The following HIP1 variants were observed in gnomAD, a reference collection of about 807,000 sequenced individuals.
The protein encoded by HIP1 is huntingtin interacting protein 1.
A neutral mutation model predicts 147.6 loss-of-function variants in HIP1; 65 were observed. The ratio of observed to expected loss-of-function variants is 0.44; its 90% CI spans 0.36 to 0.54. The LOEUF is 0.54. HIP1 is among the 20% of genes least tolerant of loss of function. The pLI is 0.00. For missense variants in HIP1, 1,061 were observed against 1,299.6 expected (o/e 0.82, Z 2.82); for synonymous variants, 479 against 504.0 (o/e 0.95, Z 0.67).
intron 2 of HIP1, among the ~76,000 whole-genome samples, chr7:75,594,243 G>A (rs1554501335): frequency 1.3e-5 from 2 of 152,024 alleles, no homozygotes; most frequent in Non-Finnish European, 2.9e-5. Flanking sequence ...TCATGCCATT[G>A]CACTCCAGCC....
In HIP1 at chr7:75,559,730, A is replaced by G; in HGVS notation, c.1375+2T>C. 2 of 227,408 alleles carry G rather than the reference A, an allele frequency of 8.8e-6. No individual in the cohort carries two copies. The highest frequency in any genetic ancestry group is 4.5e-5 in the South Asian group (1 of 22,394). 14.1% of individuals were successfully genotyped at this position (227,408 alleles called of 1,614,324 possible). On this transcript the variant is annotated splice_donor_variant, in intron 14 of 30. Transcript: ENST00000336926. LOFTEE classifies it high-confidence loss of function. ...CCGCCCCCGCCCCCACCCACCGCTC[A>G]CTTTCTATCTCAGACAGGCTCCGCT...
chr7:75,574,834 G>C (rs1795781620), intron 7 of HIP1, among the ~76,000 whole-genome samples: 2 of 152,080 alleles, frequency 1.3e-5, no homozygotes, highest in Admixed American at 1.3e-4. Flanking sequence ...ACATGGAGGA[G>C]GAGCCTCATC....
intron 15 of HIP1, 112 bp from the exon 16 acceptor site, chr7:75,557,882 C>A: frequency 1.3e-6 from 1 of 794,426 alleles, no homozygotes. Context: ...ACACAGGAAT[C>A]ACTTTCCTAC....
At chr7:75,615,030 C>T (rs587639080) in intron 1 of HIP1, among the ~76,000 whole-genome samples, 2 of 152,160 alleles carry the variant, frequency 1.3e-5, no homozygotes, top group East Asian at 3.9e-4. Flanking sequence ...GCCTCGGCCT[C>T]CCAAAGTGCT....
chr7:75,548,590 C>T (rs1554491479), intron 23 of HIP1, among the ~76,000 whole-genome samples: 1 of 152,046 alleles, frequency 6.6e-6, no homozygotes, highest in African/African-American at 2.4e-5. Flanking sequence ...AGTGATCCTC[C>T]TGCAGCCTCT....
intron 1 of HIP1, among the ~76,000 whole-genome samples, chr7:75,664,130 ATGTGTGTACATACATACATGTATGTGTG>A (rs1554514161): frequency 1.8e-3 from 94 of 50,928 alleles, no homozygotes; most frequent in Admixed American, 5.1e-3. Context: ...ATGCACACAC[ATGTGTGTACATACATACATGTATGTGTG>A]TATATTTACA....
Position 75,542,899 on chromosome 7 carries a change from C to T in HIP1, c.2842G>A (p.Gly948Ser), listed in dbSNP as rs200359500. 46 of 1,613,914 alleles carry T rather than the reference C, an allele frequency of 2.9e-5. No individual in the cohort carries two copies. The highest frequency in any genetic ancestry group is 5.0e-5 in the Admixed American group (3 of 59,988). ...CCGGAAATGGTTGAGGCCACAACGCCGGCAGTGGCCTGGTTCACTCCCCGA... is the reference window on the plus strand; with the variant it reads ...CCGGAAATGGTTGAGGCCACAACGCTGGCAGTGGCCTGGTTCACTCCCCGA... ...ASRGVNQATA[G>S]VVASTISGKS... is the part of the protein sequence containing the mutation. Residue 948 changes from glycine (G) to serine (S), a missense_variant, in exon 28 of 31, where the codon GGC becomes AGC. Around this residue, in one of 3 missense-constraint regions of HIP1, gnomAD observed 810 missense variants for 946.8 expected, o/e 0.86. Coordinates refer to ENST00000336926, the MANE Select transcript of HIP1 (RefSeq NM_005338.7).
chr7:75,667,427 G>C (rs554662203), intron 1 of HIP1, among the ~76,000 whole-genome samples: 11 of 152,242 alleles, frequency 7.2e-5, no homozygotes. Context: ...TAGAGACCAA[G>C]ACAGATATTT....
intron 1 of HIP1, among the ~76,000 whole-genome samples, chr7:75,730,496 C>T (rs113235473): frequency 0.051 from 7,716 of 151,854 alleles, 211 homozygotes; most frequent in Middle Eastern, 0.068. Context: ...CACGCCACCA[C>T]GCCCAGCTAA....
intron 1 of HIP1, among the ~76,000 whole-genome samples, chr7:75,705,719 A>G (rs981953300): frequency 3.3e-5 from 5 of 151,892 alleles, no homozygotes; most frequent in African/African-American, 7.3e-5. Flanking sequence ...TTGCTTATCC[A>G]TTCATCCACT....
At position 75,573,985 on chromosome 7, in the gene HIP1, A is replaced by G. The variant is rs587690260; in HGVS notation, c.605-84T>C. 1.1e-5 allele frequency: 13 copies of G among 1,234,948 alleles called. No homozygotes were observed. The South Asian group carries it at 1.1e-4, about 10-fold the overall frequency. The allele number at this position is 1,234,948 out of a possible 1,614,324, so 76.5% of individuals were successfully genotyped here. ...TCAGAGGGGCAGAGGCAGGGGTCCA[A>G]CATACACCAAGGACCGATTCTGTGC... On this transcript the variant is annotated intron_variant, in intron 7 of 30. Coordinates refer to ENST00000336926, the MANE Select transcript of HIP1 (RefSeq NM_005338.7).
At chr7:75,644,808 G>A (rs1798753613) in intron 1 of HIP1, among the ~76,000 whole-genome samples, 2 of 152,202 alleles carry the variant, frequency 1.3e-5, no homozygotes, top group African/African-American at 4.8e-5. Flanking sequence ...ACGCCTGCAA[G>A]CAAAGCCTTA....
chr7:75,712,865 CTCACTCATTCAT>C (rs1473072406), intron 1 of HIP1, among the ~76,000 whole-genome samples: 2 of 152,170 alleles, frequency 1.3e-5, no homozygotes, highest in African/African-American at 4.8e-5. Flanking sequence ...CCTTCATTCA[CTCACTCATTCAT>C]TCACTCATTC....
At chr7:75,733,495 G>A (rs1403864350) in intron 1 of HIP1, 3 of 149,842 alleles carry the variant, frequency 2.0e-5, no homozygotes, top group African/African-American at 5.0e-5. Context: ...AGTGGCTTGT[G>A]ATGGATTGGG....
chr7:75,714,817 C>T (rs1801267559), intron 1 of HIP1, among the ~76,000 whole-genome samples: 1 of 152,176 alleles, frequency 6.6e-6, no homozygotes, highest in Non-Finnish European at 1.5e-5. Context: ...TAGTACAATA[C>T]CATTAACTAT....
At chr7:75,570,453 G>A (rs973400047) in intron 8 of HIP1, among the ~76,000 whole-genome samples, 11 of 149,680 alleles carry the variant, frequency 7.3e-5, no homozygotes, top group Admixed American at 5.3e-4. Context: ...CACCACGCCC[G>A]GCTAATTTTT....
intron 5 of HIP1, among the ~76,000 whole-genome samples, chr7:75,582,942 C>T (rs1276178071): frequency 6.6e-6 from 1 of 152,192 alleles, no homozygotes; most frequent in African/African-American, 2.4e-5. Context: ...GCTGAGATTA[C>T]AACCTCTGAC....
At chr7:75,553,667 G>C in intron 21 of HIP1, 78 bp from the exon 22 acceptor site, 1 of 1,350,044 alleles carries the variant, frequency 7.4e-7, no homozygotes, top group South Asian at 1.3e-5. Context: ...GTGCAGTGGC[G>C]CCATCTCGGC....
At chr7:75,600,749 TTTA>T (rs1264400157) in intron 1 of HIP1, among the ~76,000 whole-genome samples, 1 of 152,046 alleles carries the variant, frequency 6.6e-6, no homozygotes, top group Non-Finnish European at 1.5e-5. Context: ...AACTCTAGTT[TTTA>T]TTATTATTAT....
Sources: allele counts gnomAD v4.1 joint callset (sites outside exome capture counted in the v4.1 genomes callset), GRCh38; gene constraint gnomAD v4.1.1; regional missense constraint gnomAD v4.1.1; transcripts MANE v1.5; gene names NCBI Gene and HGNC (gene_info 2026-07-23, HGNC 2026-07-21).